Variants in MYOM2 observed in about 807,000 individuals in gnomAD.
MYOM2 encodes myomesin-2.
Under a neutral mutation model 187.6 loss-of-function variants are expected in MYOM2, and 254 were observed. The observed-to-expected ratio is 1.35, with a 90% CI of 1.22 to 1.50. The LOEUF (loss-of-function observed/expected upper bound fraction) is 1.50, where lower values mean the gene tolerates loss of function less well. Ranked by LOEUF, MYOM2 falls within the 40% of genes most tolerant of loss-of-function variation. The probability of loss-of-function intolerance (pLI) is 0.00; values close to 1 mark genes in which losing one functional copy is unlikely to be tolerated. For synonymous variants in MYOM2, 981 were observed against 753.8 expected (o/e 1.30, Z -4.94); for missense variants, 2,796 against 1,924.0 (o/e 1.45, Z -8.48).
Position 2,071,159 on chromosome 8 carries a change from A to AT in MYOM2, c.794-1177dup, listed in dbSNP as rs529591138. Among the ~76,000 whole-genome samples the AT allele has an allele frequency of 6.3e-3, 926 of 146,894 alleles. 5 individuals are homozygous for AT. The highest frequency in any genetic ancestry group is 0.014 in the Middle Eastern group (4 of 292). On this transcript the variant is annotated intron_variant, in intron 8 of 36. Coordinates refer to ENST00000262113, the MANE Select transcript of MYOM2 (RefSeq NM_003970.4). ...GTTTTTTCTTTATTTTTTTATTTTT[A>AT]TTTTTTTTTGCATTTTGTAGAGATG...
chr8:2,106,513 C>T lies in MYOM2; in HGVS notation c.2914C>T (p.Pro972Ser), dbSNP rs1373565918. Residue 972 changes from proline (P) to serine (S), a missense_variant, in exon 23 of 37, where the codon CCG (proline) becomes TCG (serine). By Grantham distance (74) the Pro-to-Ser change is moderately conservative (BLOSUM62 -1). Transcript: ENST00000262113. ...GDHSKLYLKN[P>S]DKEDLGTYSV... The stretch of plus-strand genomic sequence containing the variant: ...TAGCTCCAAGCTGTACTTAAAGAAT[C>T]CGGATAAGGAGGATTTAGGGACTTA... 3.1e-6 allele frequency: 5 copies of T among 1,612,328 alleles called. No individual in the cohort carries two copies. The highest frequency in any genetic ancestry group is 4.5e-5 in the East Asian group (2 of 44,822).
At chr8:2,137,138 A>G (rs73657780) in intron 32 of MYOM2, among the ~76,000 whole-genome samples, 21,119 of 150,814 alleles carry the variant, frequency 0.14, 2,594 homozygotes, top group African/African-American at 0.32. Context: ...CTAGGATGCA[A>G]TAGTTTTGGC....
Position 2,069,447 on chromosome 8 carries a change from G to C in MYOM2, c.743G>C (p.Arg248Thr). ...CTGCACTCACTTTGCTGTCTTGCAG[G>C]GTTCCGGGGAGACGAGGAACCATTC... ...VSTNAAVVVR[R>T]FRGDEEPFRS... The change falls in exon 8 of 37, where the codon AGG becomes ACG. Residue 248 changes from arginine (R) to threonine (T), a missense_variant and splice_region_variant. Physicochemically the swap from Arg to Thr is moderately conservative, Grantham distance 71 (BLOSUM62 -1). Transcript: ENST00000262113. The C allele has an allele frequency of 6.2e-7, 1 of 1,614,186 alleles. No individual in the cohort carries two copies. The highest frequency in any genetic ancestry group is 8.5e-7 in the Non-Finnish European group (1 of 1,180,026).
chr8:2,107,381 C>G (rs913648294), intron 23 of MYOM2, among the ~76,000 whole-genome samples: 1 of 152,098 alleles, frequency 6.6e-6, no homozygotes, highest in Non-Finnish European at 1.5e-5. Flanking sequence ...AAAGTGCTCT[C>G]CAGGGATGGC....
chr8:2,057,161 A>AT (rs1818693170), intron 3 of MYOM2, among the ~76,000 whole-genome samples, 187 bp from the exon 4 acceptor site: 1 of 152,250 alleles, frequency 6.6e-6, no homozygotes, highest in Non-Finnish European at 1.5e-5. Flanking sequence ...CATGCATGGC[A>AT]TTCACACACC....
intron 19 of MYOM2, among the ~76,000 whole-genome samples, chr8:2,100,129 T>TTTCCTTCCTTCCTTCCTTCCTTCC (rs71211554): frequency 3.5e-4 from 16 of 45,554 alleles, no homozygotes; most frequent in South Asian, 1.0e-3. Context: ...TCCTTCCTTC[T>TTTCCTTCCTTCCTTCCTTCCTTCC]TTCCTTCCTT....
intron 28 of MYOM2, among the ~76,000 whole-genome samples, chr8:2,121,231 C>G (rs78641190): frequency 0.011 from 1,699 of 152,254 alleles, 31 homozygotes; most frequent in African/African-American, 0.039. Flanking sequence ...GTCAGCAACT[C>G]AAAGCCCAGA....
chr8:2,115,047 ATTAGAG>A (rs1797192617), intron 25 of MYOM2, among the ~76,000 whole-genome samples: 1 of 144,200 alleles, frequency 6.9e-6, no homozygotes, highest in African/African-American at 2.6e-5. Context: ...TTTCATTAGA[ATTAGAG>A]TTATTTAAGT....
chr8:2,132,873 G>A, intron 32 of MYOM2, among the ~76,000 whole-genome samples: 1 of 152,016 alleles, frequency 6.6e-6, no homozygotes, highest in South Asian at 2.1e-4. Flanking sequence ...AGGAGAGGTG[G>A]CTGCCTGACA....
At chr8:2,104,336 C>T (rs962212432) in intron 21 of MYOM2, among the ~76,000 whole-genome samples, 26 of 152,148 alleles carry the variant, frequency 1.7e-4, no homozygotes, top group African/African-American at 6.0e-4. Context: ...GGTGTGGTGG[C>T]TCACGCCTGT....
Position 2,112,202 on chromosome 8 carries a change from C to T in MYOM2, c.3180+2671C>T, listed in dbSNP as rs532163159. ...GAAGTTGCCCTTACAGAGACTGTCA[C>T]GGAGTCAAAGAAATACACCTTCAAT... On this transcript the variant is annotated intron_variant, in intron 25 of 36. Transcript: ENST00000262113. Among the ~76,000 whole-genome samples, 221 of 152,152 alleles carry T rather than the reference C, an allele frequency of 1.5e-3. 2 individuals are homozygous for T. Among genetic ancestry groups the T allele is most frequent in the African/African-American group, 4.6e-3 (191 of 41,492 alleles).
At chr8:2,090,424 A>T (rs1796257725) in intron 15 of MYOM2, among the ~76,000 whole-genome samples, 1 of 152,238 alleles carries the variant, frequency 6.6e-6, no homozygotes, top group Non-Finnish European at 1.5e-5. Flanking sequence ...TGAGTTGAAA[A>T]ATATGTTTAG....
At chr8:2,096,117 C>T in intron 17 of MYOM2, 130 bp from the exon 18 acceptor site, 1 of 796,668 alleles carries the variant, frequency 1.3e-6, no homozygotes, top group Non-Finnish European at 2.0e-6. Context: ...TGAGAGGGAT[C>T]AGAGGGCACA....
At chr8:2,047,052 A>G (rs550854884) in intron 1 of MYOM2, among the ~76,000 whole-genome samples, 1 of 152,324 alleles carries the variant, frequency 6.6e-6, no homozygotes, top group African/African-American at 2.4e-5. Context: ...TTGCTCAACC[A>G]GTAAGTATAA....
intron 15 of MYOM2, among the ~76,000 whole-genome samples, chr8:2,091,642 C>G (rs1437029860): frequency 6.6e-6 from 1 of 152,202 alleles, no homozygotes; most frequent in Non-Finnish European, 1.5e-5. Context: ...CCAGGGCATC[C>G]TCAAGTTTCT....
intron 32 of MYOM2, among the ~76,000 whole-genome samples, chr8:2,140,402 C>A (rs1798233389): frequency 8.7e-6 from 1 of 114,602 alleles, no homozygotes; most frequent in Non-Finnish European, 1.8e-5. Context: ...CAAGTAATTG[C>A]TGGATCATGT....
chr8:2,123,530 A>G, intron 29 of MYOM2, 25 bp from the exon 30 acceptor site: 1 of 1,598,730 alleles, frequency 6.3e-7, no homozygotes, highest in Non-Finnish European at 8.6e-7. Context: ...ACTTTACATA[A>G]ATATGGAATG....
intron 32 of MYOM2, among the ~76,000 whole-genome samples, chr8:2,138,239 A>T (rs1290957492): frequency 6.6e-6 from 1 of 152,198 alleles, no homozygotes; most frequent in Non-Finnish European, 1.5e-5. Context: ...GCTTGCAAAC[A>T]TGGCACTCTC....
At chr8:2,120,092 A>C (rs530161188) in intron 28 of MYOM2, among the ~76,000 whole-genome samples, 1 of 152,262 alleles carries the variant, frequency 6.6e-6, no homozygotes, top group South Asian at 2.1e-4. Flanking sequence ...TGTTGAGTGC[A>C]TCAACGTGGA....
Sources: gnomAD v4.1 joint callset for allele counts (sites outside exome capture counted in the v4.1 genomes callset) on GRCh38, gnomAD v4.1.1 for gene constraint, MANE v1.5 for transcripts, NCBI Gene and HGNC (gene_info 2026-07-23, HGNC 2026-07-21) for gene names.